The following CCDC3 variants were observed in gnomAD, a reference collection of about 807,000 sequenced individuals.
CCDC3 encodes coiled-coil domain containing 3.
CCDC3 carries 24 observed loss-of-function variants against 21.4 expected under a neutral mutation model. The ratio of observed to expected loss-of-function variants is 1.12; its 90% CI spans 0.81 to 1.58. The LOEUF is 1.58. Among genes scored for constraint, CCDC3 ranks in the 40% most tolerant of loss-of-function variants. CCDC3 has a pLI of 0.00. For missense variants in CCDC3, 425 were observed against 360.9 expected (o/e 1.18, Z -1.44); for synonymous variants, 186 against 166.0 (o/e 1.12, Z -0.93).
At chr10:12,933,396 T>C (rs1834681856) in intron 2 of CCDC3, among the ~76,000 whole-genome samples, 1 of 152,174 alleles carries the variant, frequency 6.6e-6, no homozygotes, top group Non-Finnish European at 1.5e-5. Context: ...TTTTAAAGAA[T>C]TGGTCCATTT....
chr10:12,929,748 C>T (rs1177695426), intron 2 of CCDC3, among the ~76,000 whole-genome samples: 3 of 152,154 alleles, frequency 2.0e-5, no homozygotes, highest in Non-Finnish European at 4.4e-5. Context: ...TGATTCTAAG[C>T]TGGTCATTAC....
chr10:12,950,632 T>A (rs1270175299), intron 2 of CCDC3, among the ~76,000 whole-genome samples: 1 of 152,208 alleles, frequency 6.6e-6, no homozygotes, highest in Non-Finnish European at 1.5e-5. Flanking sequence ...TTTCTCCTTA[T>A]CCTGGACTTT....
intron 3 of CCDC3, among the ~76,000 whole-genome samples, chr10:13,081,862 G>A (rs1470332594): frequency 6.6e-6 from 1 of 152,216 alleles, no homozygotes; most frequent in Non-Finnish European, 1.5e-5. Flanking sequence ...AGAGGTCCAG[G>A]TTGTCCCCTT....
intron 2 of CCDC3, among the ~76,000 whole-genome samples, chr10:12,936,446 C>A (rs1307881339): frequency 6.6e-6 from 1 of 152,006 alleles, no homozygotes; most frequent in African/African-American, 2.4e-5. Flanking sequence ...GCAGCCTTGA[C>A]CTCCCTGGGC....
intron 5 of CCDC3, among the ~76,000 whole-genome samples, chr10:13,022,091 C>A (rs574632262): frequency 6.6e-6 from 1 of 152,164 alleles, no homozygotes; most frequent in African/African-American, 2.4e-5. Flanking sequence ...CCATTCCTTC[C>A]TCCCCCAGCC....
intron 2 of CCDC3, among the ~76,000 whole-genome samples, chr10:12,903,438 G>C (rs1834123750): frequency 6.6e-6 from 1 of 152,244 alleles, no homozygotes; most frequent in South Asian, 2.1e-4. Context: ...AAAAGGTCCA[G>C]ATACGCTATT....
At chr10:12,927,850 C>T (rs1834570087) in intron 2 of CCDC3, among the ~76,000 whole-genome samples, 1 of 152,200 alleles carries the variant, frequency 6.6e-6, no homozygotes, top group African/African-American at 2.4e-5. Context: ...GAAATTCAGT[C>T]TACATTTGAA....
chr10:12,977,350 G>T (rs1268473207), intron 2 of CCDC3, among the ~76,000 whole-genome samples: 1 of 151,692 alleles, frequency 6.6e-6, no homozygotes. Flanking sequence ...AAAAGAAAGT[G>T]TCGTGTCTTT....
At chr10:13,016,190 G>A (rs546689354) in intron 5 of CCDC3, among the ~76,000 whole-genome samples, 45 of 151,944 alleles carry the variant, frequency 3.0e-4, no homozygotes, top group South Asian at 1.0e-3. Context: ...AGTGGCAACC[G>A]AGTTACCTCC....
intron 5 of CCDC3, among the ~76,000 whole-genome samples, chr10:13,020,911 G>A (rs1043849341): frequency 2.0e-5 from 3 of 152,188 alleles, no homozygotes; most frequent in Admixed American, 6.5e-5. Flanking sequence ...AAATAAATAT[G>A]AGCACTAGGT....
At chr10:13,004,110 T>G (rs1835897782), upstream of CCDC3, among the ~76,000 whole-genome samples, 2 of 152,174 alleles carry the variant, frequency 1.3e-5, no homozygotes, top group South Asian at 4.1e-4. Flanking sequence ...AATAGTGACA[T>G]GAGCCACTTC....
chr10:12,937,845 CATT>C (rs1205199791), intron 2 of CCDC3, among the ~76,000 whole-genome samples: 1 of 152,218 alleles, frequency 6.6e-6, no homozygotes, highest in East Asian at 1.9e-4. Flanking sequence ...TGTCTGCCAT[CATT>C]AAGCCATTAT....
At chr10:12,994,388 A>G (rs1347070538) in intron 2 of CCDC3, among the ~76,000 whole-genome samples, 1 of 146,922 alleles carries the variant, frequency 6.8e-6, no homozygotes, top group Non-Finnish European at 1.5e-5. Flanking sequence ...ACAGAGCAAG[A>G]CTCCGTCTCA....
intron 4 of CCDC3, among the ~76,000 whole-genome samples, chr10:13,070,406 G>C (rs1836867343): frequency 6.6e-6 from 1 of 152,182 alleles, no homozygotes; most frequent in South Asian, 2.1e-4. Flanking sequence ...GGAGAACCTG[G>C]TTGCTTTACT....
chr10:12,981,795 CAT>C (rs1835501472), intron 2 of CCDC3, among the ~76,000 whole-genome samples: 1 of 151,976 alleles, frequency 6.6e-6, no homozygotes, highest in Non-Finnish European at 1.5e-5. Context: ...GAAAGTGAGT[CAT>C]AGTGATACCA....
At chr10:12,956,196 C>G (rs1369676627) in intron 2 of CCDC3, among the ~76,000 whole-genome samples, 3 of 152,208 alleles carry the variant, frequency 2.0e-5, no homozygotes, top group African/African-American at 7.2e-5. Flanking sequence ...TCTTGCCAAA[C>G]CACCAACCCT....
At chr10:13,043,145 T>C (rs1017192055) in intron 5 of CCDC3, among the ~76,000 whole-genome samples, 6 of 152,104 alleles carry the variant, frequency 3.9e-5, no homozygotes, top group African/African-American at 1.4e-4. Context: ...ACACTGAGGT[T>C]TGGGACACAA....
intron 2 of CCDC3, among the ~76,000 whole-genome samples, chr10:12,976,718 C>G (rs949209790): frequency 6.6e-6 from 1 of 152,098 alleles, no homozygotes; most frequent in African/African-American, 2.4e-5. Flanking sequence ...AGGAATAAAT[C>G]AGTGAAGCAC....
chr10:12,996,041 C>T (rs965096847), intron 2 of CCDC3, among the ~76,000 whole-genome samples: 3 of 152,210 alleles, frequency 2.0e-5, no homozygotes, highest in Non-Finnish European at 4.4e-5. Flanking sequence ...GTCATATAAA[C>T]AAAGCTCCCA....
Sources: gnomAD v4.1 joint callset for allele counts (sites outside exome capture counted in the v4.1 genomes callset) on GRCh38, gnomAD v4.1.1 for gene constraint, MANE v1.5 for transcripts, NCBI Gene and HGNC (gene_info 2026-07-23, HGNC 2026-07-21) for gene names.